The following ASIC2 variants were observed in gnomAD, a reference collection of about 807,000 sequenced individuals.
ASIC2 encodes acid-sensing ion channel 2.
Under a neutral mutation model 57.3 loss-of-function variants are expected in ASIC2, and 25 were observed. The ratio of observed to expected loss-of-function variants is 0.44; its 90% CI spans 0.32 to 0.61. ASIC2 has a LOEUF of 0.61. Ranked by LOEUF, ASIC2 falls within the 20% of genes least tolerant of loss-of-function variation. The pLI is 0.06. For synonymous variants in ASIC2, 319 were observed against 307.5 expected (o/e 1.04, Z -0.39); for missense variants, 641 against 738.1 (o/e 0.87, Z 1.52).
At chr17:33,228,753 C>T (rs1313559090) in intron 1 of ASIC2, among the ~76,000 whole-genome samples, 1 of 152,240 alleles carries the variant, frequency 6.6e-6, no homozygotes, top group Non-Finnish European at 1.5e-5. Context: ...TGCACTTCCA[C>T]TATCCTTCCC....
chr17:33,646,808 A>C (rs750491986), intron 1 of ASIC2, among the ~76,000 whole-genome samples: 1 of 152,128 alleles, frequency 6.6e-6, no homozygotes, highest in Admixed American at 6.6e-5. Flanking sequence ...TCTTGTAATT[A>C]TCAACCAATA....
intron 1 of ASIC2, among the ~76,000 whole-genome samples, chr17:33,969,681 C>T (rs980384995): frequency 6.6e-6 from 1 of 152,158 alleles, no homozygotes; most frequent in Non-Finnish European, 1.5e-5. Context: ...TACCTATTCT[C>T]CAGCTCCCAT....
chr17:33,225,435 A>G (rs574791671), intron 1 of ASIC2, among the ~76,000 whole-genome samples: 1 of 152,362 alleles, frequency 6.6e-6, no homozygotes, highest in African/African-American at 2.4e-5. Context: ...GTATGTGTAA[A>G]GTGCTTAGAA....
chr17:33,515,219 G>A (rs1171505088), intron 1 of ASIC2, among the ~76,000 whole-genome samples: 1 of 152,200 alleles, frequency 6.6e-6, no homozygotes, highest in Non-Finnish European at 1.5e-5. Flanking sequence ...GGATGGAGGA[G>A]GAGAGCACAT....
chr17:33,449,129 C>T (rs1912150382), intron 1 of ASIC2, among the ~76,000 whole-genome samples: 1 of 152,108 alleles, frequency 6.6e-6, no homozygotes, highest in Non-Finnish European at 1.5e-5. Context: ...CCTGCCTGGC[C>T]CTTTCTGCCA....
At chr17:33,452,997 A>AG (rs1912316634) in intron 1 of ASIC2, among the ~76,000 whole-genome samples, 1 of 152,148 alleles carries the variant, frequency 6.6e-6, no homozygotes, top group East Asian at 1.9e-4. Context: ...TTTTCCGCAC[A>AG]GGCACTGAGA....
rs546954703 is a variant in ASIC2 at position 33,386,879 on chromosome 17, T to C, written c.556-274812A>G. On this transcript the variant is annotated intron_variant, in intron 1 of 9. Coordinates refer to the ASIC2 transcript ENST00000359872. Reference sequence around the variant, plus strand: ...CAGAACCTTGGCCTTTGCATTTCCATGAAGACCTCTGAGTGGCTCGTGTGT... The same window carrying C: ...CAGAACCTTGGCCTTTGCATTTCCACGAAGACCTCTGAGTGGCTCGTGTGT... 3.3e-5 allele frequency among the ~76,000 whole-genome samples: 5 copies of C among 152,310 alleles called. No individual in the cohort carries two copies. The East Asian group carries it at 9.6e-4, about 29-fold the overall frequency.
rs868535325 is a variant in ASIC2, at chr17:34,083,485, G to A, written c.555+72493C>T. Among the ~76,000 whole-genome samples the A allele has an allele frequency of 6.6e-3, 1,000 of 151,594 alleles. 17 individuals are homozygous for A. The highest frequency in any genetic ancestry group is 0.023 in the African/African-American group (934 of 41,250). On this transcript the variant is annotated intron_variant, in intron 1 of 9. Coordinates refer to the ASIC2 transcript ENST00000359872. ...GTGAATAGTGCCACAATAAACATACGTGTGCATGTGTCTTTATAGCAGCAT... is the reference window on the plus strand; with the variant it reads ...GTGAATAGTGCCACAATAAACATACATGTGCATGTGTCTTTATAGCAGCAT...
chr17:33,600,095 C>T (rs898125021), intron 1 of ASIC2, among the ~76,000 whole-genome samples: 1 of 152,216 alleles, frequency 6.6e-6, no homozygotes, highest in South Asian at 2.1e-4. Context: ...GTCATCTTGT[C>T]TCTGCACAGC....
chr17:33,544,313 T>C (rs1372667665), intron 1 of ASIC2, among the ~76,000 whole-genome samples: 1 of 152,198 alleles, frequency 6.6e-6, no homozygotes, highest in African/African-American at 2.4e-5. Flanking sequence ...GGATTGTTTT[T>C]AGTTTGTGGC....
At chr17:34,081,237 A>G (rs1909869879) in intron 1 of ASIC2, among the ~76,000 whole-genome samples, 1 of 152,160 alleles carries the variant, frequency 6.6e-6, no homozygotes, top group Non-Finnish European at 1.5e-5. Flanking sequence ...CAAACTCCAC[A>G]TGGGATTTTG....
At chr17:33,571,853 C>G (rs1045034111) in intron 1 of ASIC2, 1 of 152,206 alleles carries the variant, frequency 6.6e-6, no homozygotes, top group African/African-American at 2.4e-5. Flanking sequence ...AACCCTGCCA[C>G]CACTATTAGC....
At chr17:33,577,842 G>A (rs1332507962) in intron 1 of ASIC2, among the ~76,000 whole-genome samples, 1 of 152,158 alleles carries the variant, frequency 6.6e-6, no homozygotes, top group African/African-American at 2.4e-5. Context: ...CTTCTGCCTA[G>A]GGCCTCTCCA....
intron 1 of ASIC2, among the ~76,000 whole-genome samples, chr17:33,235,400 A>T (rs1484363566): frequency 6.6e-6 from 1 of 152,208 alleles, no homozygotes; most frequent in Non-Finnish European, 1.5e-5. Context: ...CTGAGCCAGG[A>T]TGAGTCATGC....
At chr17:33,510,295 T>G (rs1433011791) in intron 1 of ASIC2, among the ~76,000 whole-genome samples, 1 of 152,180 alleles carries the variant, frequency 6.6e-6, no homozygotes, top group Non-Finnish European at 1.5e-5. Flanking sequence ...TTTTTTAAAG[T>G]GACCCAACAT....
At chr17:33,137,051 G>C (rs1033559935) in intron 1 of ASIC2, among the ~76,000 whole-genome samples, 2 of 152,168 alleles carry the variant, frequency 1.3e-5, no homozygotes, top group Non-Finnish European at 2.9e-5. Flanking sequence ...ATACAGAAGT[G>C]GAACGTAGCT....
Position 33,350,463 on chromosome 17 carries a change from C to T in ASIC2, c.556-238396G>A, listed in dbSNP as rs150433288. The stretch of plus-strand genomic sequence containing the variant: ...AGGAGGCTGAGGTGGGTGGATCATC[C>T]GAGGTCAGGAGTTTGAGACCAGCCT... On this transcript the variant is annotated intron_variant, in intron 1 of 9. Coordinates refer to the ASIC2 transcript ENST00000359872. Among the ~76,000 whole-genome samples, 1,295 of 152,062 alleles carry T rather than the reference C, an allele frequency of 8.5e-3. 15 individuals carry two copies. The highest frequency in any genetic ancestry group is 0.013 in the Non-Finnish European group (871 of 67,962).
At chr17:33,673,897 C>CTTTTTTTTTTTTTTTTTTTTTTTTTTT (rs574986885) in intron 1 of ASIC2, among the ~76,000 whole-genome samples, 1 of 141,134 alleles carries the variant, frequency 7.1e-6, no homozygotes, top group African/African-American at 2.7e-5. Flanking sequence ...GCATCCGTGT[C>CTTTTTTTTTTTTTTTTTTTTTTTTTTT]TTTTTTTTTT....
At chr17:33,285,130 T>C (rs1440121334) in intron 1 of ASIC2, among the ~76,000 whole-genome samples, 1 of 152,244 alleles carries the variant, frequency 6.6e-6, no homozygotes, top group Non-Finnish European at 1.5e-5. Flanking sequence ...ATGTCCTGGC[T>C]ATTTCTCCAG....
Sources: allele counts gnomAD v4.1 joint callset (sites outside exome capture counted in the v4.1 genomes callset), GRCh38; gene constraint gnomAD v4.1.1; transcripts MANE v1.5; gene names NCBI Gene and HGNC (gene_info 2026-07-23, HGNC 2026-07-21).